The following EGF variants were observed in gnomAD, a reference collection of about 807,000 sequenced individuals.
EGF encodes epidermal growth factor.
In EGF, 95 loss-of-function variants were observed where a neutral mutation model predicts 143.8. The observed-to-expected ratio is 0.66, with a 90% confidence interval of 0.56 to 0.78. The LOEUF is 0.78. Ranked by LOEUF, EGF falls within the 30% of genes least tolerant of loss-of-function variation. EGF has a pLI of 0.00. For synonymous variants in EGF, 510 were observed against 510.5 expected (o/e 1.00, Z 0.01); for missense variants, 1,320 against 1,470.9 (o/e 0.90, Z 1.68).
At chr4:109,951,427 A>G (rs150684992) in intron 5 of EGF, among the ~76,000 whole-genome samples, 21 of 152,182 alleles carry the variant, frequency 1.4e-4, no homozygotes, top group African/African-American at 4.3e-4. Context: ...AAATAATATA[A>G]TAAGGAATAA....
intron 16 of EGF, 81 bp downstream of exon 16, chr4:109,983,622 T>G: frequency 6.3e-7 from 1 of 1,582,450 alleles, no homozygotes; most frequent in Non-Finnish European, 8.6e-7. Flanking sequence ...ATTACCTTTC[T>G]AACTTAATAT....
At chr4:109,962,381 T>C (rs1421223423) in intron 8 of EGF, among the ~76,000 whole-genome samples, 4 of 152,252 alleles carry the variant, frequency 2.6e-5, no homozygotes, top group Non-Finnish European at 5.9e-5. Context: ...TTCTTGCACC[T>C]AATAAACACC....
At chr4:109,927,821 G>A (rs1316742724) in intron 1 of EGF, among the ~76,000 whole-genome samples, 1 of 146,958 alleles carries the variant, frequency 6.8e-6, no homozygotes, top group Non-Finnish European at 1.5e-5. Flanking sequence ...GTGTGTGTGT[G>A]TGTGTGTGTG....
At chr4:109,967,094 G>A (rs1746724649) in intron 10 of EGF, among the ~76,000 whole-genome samples, 1 of 152,002 alleles carries the variant, frequency 6.6e-6, no homozygotes, top group Admixed American at 6.6e-5. Flanking sequence ...TCCTTTTGAG[G>A]GCTTAGTCAT....
chr4:109,963,548 A>G (rs1331851162), intron 9 of EGF, among the ~76,000 whole-genome samples: 1 of 152,242 alleles, frequency 6.6e-6, no homozygotes, highest in Non-Finnish European at 1.5e-5. Context: ...TATTTTTAGT[A>G]TATGAGAAAG....
rs2299002 is a variant in EGF, at chr4:109,996,470, A to C, written c.3005+1590A>C. Among the ~76,000 whole-genome samples, 2,162 of 152,326 alleles carry C rather than the reference A, an allele frequency of 0.014. 226 individuals are homozygous for C. In the East Asian group the frequency reaches 0.24, roughly 17 times the overall value. On this transcript the variant is annotated intron_variant, in intron 20 of 23. Coordinates refer to ENST00000265171, the MANE Select transcript of EGF (RefSeq NM_001963.6). ...TCATAACCTTGTTTTTAAATTGTAT[A>C]TTTAATAAAAATGTGGTTTAATTAA... is the stretch of plus-strand genomic sequence containing the variant.
Position 109,941,131 on chromosome 4 carries a change from G to GGTT in EGF, c.314_315insTTG (p.Gly105_Ser106insTrp). ...ACTTTTGCAAAGAGTTTTTCTGAAT[G>GGTT]GGTCAAGGCAAGAGGTAAAATACCC... On this transcript the variant is annotated inframe_insertion, in exon 2 of 24. Coordinates refer to ENST00000265171, the MANE Select transcript of EGF (RefSeq NM_001963.6). 6.2e-7 allele frequency: 1 copy of GGTT among 1,613,890 alleles called. No homozygotes were observed. Among genetic ancestry groups the GGTT allele is most frequent in the Non-Finnish European group, 8.5e-7 (1 of 1,179,918 alleles).
chr4:109,974,767 A>G lies in EGF; in HGVS notation c.1789A>G (p.Ile597Val), dbSNP rs41482245. 1,058 of 1,613,672 alleles carry G rather than the reference A, an allele frequency of 6.6e-4. 6 individuals are homozygous for G. In the African/African-American group the frequency reaches 9.9e-3, roughly 15 times the overall value. Residue 597 changes from isoleucine to valine, a missense_variant, in exon 12 of 24, where the codon ATC becomes GTC. By Grantham distance (29) the Ile-to-Val change is conservative. Coordinates refer to ENST00000265171, the MANE Select transcript of EGF (RefSeq NM_001963.6). ...TTCCAAAATAATCACTAAGGAGAAC[A>G]TCTCTCAACCACGAGGAATTGCTGT... ...KRSKIITKEN[I>V]SQPRGIAVHP... is the part of the protein sequence containing the mutation.
chr4:109,931,676 A>G (rs1483255701), intron 1 of EGF, among the ~76,000 whole-genome samples: 2 of 152,240 alleles, frequency 1.3e-5, no homozygotes, highest in African/African-American at 4.8e-5. Flanking sequence ...AGAAAAAAGC[A>G]TAGCCCTCAG....
intron 1 of EGF, among the ~76,000 whole-genome samples, chr4:109,914,617 T>G (rs1164677940): frequency 6.6e-6 from 1 of 152,216 alleles, no homozygotes; most frequent in African/African-American, 2.4e-5. Flanking sequence ...ATCCTAGTGA[T>G]CTCTATGTTC....
At chr4:109,988,210 T>C (rs1328583940) in intron 17 of EGF, among the ~76,000 whole-genome samples, 1 of 150,696 alleles carries the variant, frequency 6.6e-6, no homozygotes, top group Non-Finnish European at 1.5e-5. Context: ...TTTTTTTTTT[T>C]ACCCCAGAAG....
At chr4:109,931,155 A>T (rs1418223286) in intron 1 of EGF, among the ~76,000 whole-genome samples, 1 of 152,270 alleles carries the variant, frequency 6.6e-6, no homozygotes, top group African/African-American at 2.4e-5. Flanking sequence ...CTGAAAAAAC[A>T]TTACCATATT....
chr4:109,980,334 CA>C (rs1409269836), intron 14 of EGF, among the ~76,000 whole-genome samples, 195 bp downstream of exon 14: 9 of 152,050 alleles, frequency 5.9e-5, no homozygotes, highest in African/African-American at 2.2e-4. Flanking sequence ...TTTATCCCTC[CA>C]ATTTCACCTC....
intron 5 of EGF, chr4:109,959,108 G>C (rs886949293): frequency 3.3e-5 from 22 of 656,840 alleles, no homozygotes; most frequent in Non-Finnish European, 5.5e-5. Flanking sequence ...CCAATCCTGA[G>C]AGGTTTTGGA....
intron 2 of EGF, among the ~76,000 whole-genome samples, chr4:109,942,604 A>C (rs960780974): frequency 1.3e-5 from 2 of 152,226 alleles, no homozygotes; most frequent in African/African-American, 4.8e-5. Context: ...CCCCAAGAAG[A>C]CCAGCTTACC....
rs112168633 is a variant in EGF at position 109,963,223 on chromosome 4, A to G, written c.1363A>G (p.Ser455Gly). 1 of 1,614,038 alleles carries G rather than the reference A, an allele frequency of 6.2e-7. No individual in the cohort carries two copies. Among genetic ancestry groups the G allele is most frequent in the Non-Finnish European group, 8.5e-7 (1 of 1,179,942 alleles). ...GGCSQLCVPL[S>G]PVSWECDCFP... The stretch of plus-strand genomic sequence containing the variant: ...ATGTAGCCAGCTCTGCGTTCCTCTT[A>G]GCCCAGTATCCTGGGAATGTGATTG... Residue 455 changes from serine to glycine, a missense_variant, in exon 9 of 24, where the codon AGC becomes GGC. Physicochemically the swap from Ser to Gly is moderately conservative, Grantham distance 56. Coordinates refer to ENST00000265171, the MANE Select transcript of EGF (RefSeq NM_001963.6).
chr4:109,921,368 A>G (rs1336980523), intron 1 of EGF, among the ~76,000 whole-genome samples: 5 of 148,610 alleles, frequency 3.4e-5, no homozygotes, highest in Non-Finnish European at 5.9e-5. Context: ...TTTTTTTTTT[A>G]TTCTGACTTG....
Position 109,941,000 on chromosome 4 carries a change from C to A in EGF, c.182C>A (p.Thr61Lys). ...GGAAATAGTATCTTTAGGATTGACA[C>A]AGAAGGAACCAATTATGAGCAATTG... is the stretch of plus-strand genomic sequence containing the variant. ...SHGNSIFRID[T>K]EGTNYEQLVV... The change falls in exon 2 of 24, where the codon ACA (threonine) becomes AAA (lysine). Residue 61 changes from threonine to lysine, a missense_variant. Transcript: ENST00000265171. The A allele has an allele frequency of 6.2e-7, 1 of 1,614,036 alleles. No homozygotes were observed. Among genetic ancestry groups the A allele is most frequent in the Non-Finnish European group, 8.5e-7 (1 of 1,179,972 alleles).
intron 18 of EGF, 151 bp from the exon 19 acceptor site, chr4:109,993,096 T>G: frequency 1.4e-6 from 1 of 690,620 alleles, no homozygotes; most frequent in Non-Finnish European, 1.9e-6. Context: ...TTAAGTATAA[T>G]AAAAAATATA....
Sources: allele counts gnomAD v4.1 joint callset (sites outside exome capture counted in the v4.1 genomes callset), GRCh38; gene constraint gnomAD v4.1.1; transcripts MANE v1.5; gene names NCBI Gene and HGNC (gene_info 2026-07-23, HGNC 2026-07-21).